Variants in MAP3K2 observed in about 807,000 individuals in gnomAD.
The protein encoded by MAP3K2 is MAP/ERK kinase kinase 2.
A neutral mutation model predicts 80.3 loss-of-function variants in MAP3K2; 24 were observed. The observed-to-expected ratio is 0.30, with a 90% CI of 0.22 to 0.42. MAP3K2 has a LOEUF of 0.42. Ranked by LOEUF, MAP3K2 falls within the 10% of genes least tolerant of loss-of-function variation. The probability of loss-of-function intolerance (pLI) is 1.00; values close to 1 mark genes in which losing one functional copy is unlikely to be tolerated. For synonymous variants in MAP3K2, 244 were observed against 253.7 expected (o/e 0.96, Z 0.36); for missense variants, 608 against 750.1 (o/e 0.81, Z 2.21).
At chr2:127,328,696 G>A (rs1484293874) in intron 7 of MAP3K2, among the ~76,000 whole-genome samples, 1 of 152,326 alleles carries the variant, frequency 6.6e-6, no homozygotes, top group East Asian at 1.9e-4. Flanking sequence ...ATTTAAGACA[G>A]ACACTTCGAA....
At chr2:127,388,010 G>A (rs1453888531), upstream of MAP3K2, 2 of 983,528 alleles carry the variant, frequency 2.0e-6, no homozygotes, top group African/African-American at 3.5e-5. Flanking sequence ...ACGGCCGCTC[G>A]CTCGTGCGCG....
At chr2:127,373,051 A>G (rs1190448138) in intron 1 of MAP3K2, among the ~76,000 whole-genome samples, 1 of 152,234 alleles carries the variant, frequency 6.6e-6, no homozygotes, top group Non-Finnish European at 1.5e-5. Context: ...AGGACAGAGA[A>G]GAATTTGCAT....
At chr2:127,308,522 A>G (rs1341708685) in intron 16 of MAP3K2, 63 bp downstream of exon 16, 19 of 1,404,100 alleles carry the variant, frequency 1.4e-5, no homozygotes, top group Non-Finnish European at 1.7e-5. Flanking sequence ...TCAGTAATTC[A>G]ATCCCAGGTG....
chr2:127,376,806 C>T lies in MAP3K2; in HGVS notation c.-66+10646G>A, dbSNP rs538491964. Reference sequence around the variant, plus strand: ...TGATGCTGTGCATGGTGGCTCACACCTATAATCCCAGCACTTTGGGAGTCT... The same window carrying T: ...TGATGCTGTGCATGGTGGCTCACACTTATAATCCCAGCACTTTGGGAGTCT... On this transcript the variant is annotated intron_variant, in intron 1 of 16. Coordinates refer to ENST00000682094, the MANE Select transcript of MAP3K2 (RefSeq NM_001371910.2). Among the ~76,000 whole-genome samples, 12 of 152,246 alleles carry T rather than the reference C, an allele frequency of 7.9e-5. No homozygotes were observed. In the South Asian group the frequency reaches 2.5e-3, roughly 32 times the overall value.
Position 127,317,637 on chromosome 2 carries a change from T to C in MAP3K2, c.1318A>G (p.Met440Val). ...EKTLSIFMEYMPGGSIKDQLK... is the reference protein window; with the variant it reads ...EKTLSIFMEYVPGGSIKDQLK... ...AAGATGTACTAACTTACCCCTGGCA[T>C]ATATTCCATAAATATGGAAAGTGTT... Residue 440 changes from methionine to valine, a missense_variant, in exon 14 of 17, where the codon ATG becomes GTG. Physicochemically the swap from Met to Val is conservative, Grantham distance 21. Transcript: ENST00000682094. The C allele has an allele frequency of 6.4e-7, 1 of 1,569,624 alleles. No individual in the cohort carries two copies.
chr2:127,336,074 C>T (rs950151389), intron 4 of MAP3K2, 105 bp from the exon 5 acceptor site: 5 of 623,886 alleles, frequency 8.0e-6, no homozygotes, highest in Non-Finnish European at 1.1e-5. Flanking sequence ...CTAAAAATTA[C>T]GTAAATATTC....
intron 1 of MAP3K2, among the ~76,000 whole-genome samples, chr2:127,352,769 C>T (rs1363478625): frequency 1.3e-5 from 2 of 151,974 alleles, no homozygotes; most frequent in East Asian, 3.9e-4. Flanking sequence ...GACTGTACTG[C>T]TGCCATCTCG....
chr2:127,323,464 C>T (rs59027829), intron 11 of MAP3K2, among the ~76,000 whole-genome samples: 120,244 of 152,026 alleles, frequency 0.79, 47,691 homozygotes, highest in African/African-American at 0.84. Flanking sequence ...GCAGGAGGAC[C>T]GCTTGAGCCC....
chr2:127,335,760 C>T, intron 5 of MAP3K2, 110 bp downstream of exon 5: 1 of 570,168 alleles, frequency 1.8e-6, no homozygotes, highest in Non-Finnish European at 3.1e-6. Context: ...TCTGACATAC[C>T]ATATATTTAT....
chr2:127,338,854 C>T (rs1686424323), intron 3 of MAP3K2, 78 bp downstream of exon 3: 1 of 932,720 alleles, frequency 1.1e-6, no homozygotes. Context: ...AAAAGCTGAA[C>T]ACATTAAACA....
chr2:127,367,472 C>G (rs1047085420), intron 1 of MAP3K2, among the ~76,000 whole-genome samples: 1 of 152,156 alleles, frequency 6.6e-6, no homozygotes, highest in African/African-American at 2.4e-5. Flanking sequence ...TCTCATTTCC[C>G]TATCACATTA....
chr2:127,314,689 T>C (rs768041662), intron 15 of MAP3K2, 65 bp downstream of exon 15: 1 of 1,267,846 alleles, frequency 7.9e-7, no homozygotes, highest in Non-Finnish European at 1.1e-6. Context: ...CTTACCCACA[T>C]CACTTGTTTC....
Position 127,314,792 on chromosome 2 carries a change from T to A in MAP3K2, c.1418A>T (p.Tyr473Phe). The A allele has an allele frequency of 6.2e-7, 1 of 1,610,628 alleles. No individual in the cohort carries two copies. The change falls in exon 15 of 17, where the codon TAT becomes TTT. Residue 473 changes from tyrosine to phenylalanine, a missense_variant. Coordinates refer to ENST00000682094, the MANE Select transcript of MAP3K2 (RefSeq NM_001371910.2). ...YTRQILEGVH[Y>F]LHSNMIVHRD... ...ATGGACAATCATATTACTGTGCAAA[T>A]AATGGACACCCTCCAGAATCTGACG...
chr2:127,381,735 T>C (rs1409394149), intron 1 of MAP3K2, among the ~76,000 whole-genome samples: 1 of 152,204 alleles, frequency 6.6e-6, no homozygotes, highest in East Asian at 1.9e-4. Context: ...TCAAACTTAG[T>C]ATCACAAATA....
intron 1 of MAP3K2, among the ~76,000 whole-genome samples, chr2:127,359,505 A>T (rs148945353): frequency 3.3e-4 from 51 of 152,336 alleles, no homozygotes; most frequent in African/African-American, 1.2e-3. Context: ...CATTGATGAG[A>T]GAGTGTCAAG....
chr2:127,375,845 T>A (rs929219481), intron 1 of MAP3K2, among the ~76,000 whole-genome samples: 8 of 152,102 alleles, frequency 5.3e-5, no homozygotes, highest in Admixed American at 2.0e-4. Flanking sequence ...CCAGTGGGGT[T>A]CCTTAGTAAC....
chr2:127,316,233 G>T (rs1558974160), intron 14 of MAP3K2, among the ~76,000 whole-genome samples: 1 of 152,114 alleles, frequency 6.6e-6, no homozygotes, highest in Non-Finnish European at 1.5e-5. Context: ...AATTAGCTGG[G>T]TGTGGTGGCA....
chr2:127,356,498 G>A (rs1686800537), intron 1 of MAP3K2, among the ~76,000 whole-genome samples: 2 of 152,204 alleles, frequency 1.3e-5, no homozygotes, highest in Non-Finnish European at 2.9e-5. Flanking sequence ...GCCTGGCTTA[G>A]GCTAATTTTT....
chr2:127,323,595 A>C (rs1324001221), intron 11 of MAP3K2, among the ~76,000 whole-genome samples: 1 of 152,042 alleles, frequency 6.6e-6, no homozygotes, highest in Non-Finnish European at 1.5e-5. Flanking sequence ...CAGGAAGCCA[A>C]GGCAGGAAGA....
Sources: allele counts gnomAD v4.1 joint callset (sites outside exome capture counted in the v4.1 genomes callset), GRCh38; gene constraint gnomAD v4.1.1; transcripts MANE v1.5; gene names NCBI Gene and HGNC (gene_info 2026-07-23, HGNC 2026-07-21).